CACNB2: variants seen among roughly 807,000 people sequenced by gnomAD.
CACNB2 encodes the protein calcium voltage-gated channel auxiliary subunit beta 2, also known as voltage-dependent L-type calcium channel subunit beta-2.
In CACNB2, 42 loss-of-function variants were observed where a neutral mutation model predicts 73.3. The ratio of observed to expected loss-of-function variants is 0.57; its 90% CI spans 0.45 to 0.74. The LOEUF is 0.74. Ranked by LOEUF, CACNB2 falls within the 30% of genes least tolerant of loss-of-function variation. CACNB2 has a pLI of 0.00. For synonymous variants in CACNB2, 348 were observed against 310.3 expected (o/e 1.12, Z -1.28); for missense variants, 940 against 853.0 (o/e 1.10, Z -1.27).
At chr10:18,421,937 T>C (rs2045347001) in intron 3 of CACNB2, among the ~76,000 whole-genome samples, 3 of 152,192 alleles carry the variant, frequency 2.0e-5, no homozygotes, top group Non-Finnish European at 4.4e-5. Flanking sequence ...TTAGCTGTAG[T>C]GTTTAGTCTA....
chr10:18,192,944 A>T (rs1410950297), intron 2 of CACNB2, among the ~76,000 whole-genome samples: 1 of 152,208 alleles, frequency 6.6e-6, no homozygotes, highest in Non-Finnish European at 1.5e-5. Context: ...TTGAGCTGCT[A>T]TGAACATTTA....
Position 18,494,912 on chromosome 10 carries a change from A to G in CACNB2, c.334-3443A>G, listed in dbSNP as rs117773193. On this transcript the variant is annotated intron_variant, in intron 3 of 13. Transcript: ENST00000324631. ...CCTGTCTCTACAAAGTTTTTTTAAA[A>G]AAAATAAAATGTAAAAACTTTAAAA... Among the ~76,000 whole-genome samples the G allele has an allele frequency of 2.8e-3, 427 of 152,236 alleles. 5 individuals are homozygous for G. The highest frequency in any genetic ancestry group is 0.018 in the Admixed American group (270 of 15,280).
At chr10:18,263,640 A>G (rs1301140292) in intron 2 of CACNB2, among the ~76,000 whole-genome samples, 3 of 152,086 alleles carry the variant, frequency 2.0e-5, no homozygotes, top group Non-Finnish European at 4.4e-5. Flanking sequence ...CTACTCAAAC[A>G]TTGTCTCTCA....
At chr10:18,189,665 G>A (rs866056977) in intron 2 of CACNB2, among the ~76,000 whole-genome samples, 2 of 152,094 alleles carry the variant, frequency 1.3e-5, no homozygotes. Context: ...TAAAAGTAGT[G>A]CAATGGTGAG....
intron 2 of CACNB2, among the ~76,000 whole-genome samples, chr10:18,352,066 C>T (rs1481069699): frequency 2.0e-5 from 3 of 152,310 alleles, no homozygotes; most frequent in East Asian, 3.9e-4. Flanking sequence ...ATTTCTTCTG[C>T]GTGTTCAATG....
At chr10:18,310,782 C>A (rs2039936174) in intron 2 of CACNB2, among the ~76,000 whole-genome samples, 1 of 151,482 alleles carries the variant, frequency 6.6e-6, no homozygotes, top group South Asian at 2.1e-4. Context: ...GGGGTTTCAC[C>A]ACATTGGCCA....
intron 2 of CACNB2, among the ~76,000 whole-genome samples, chr10:18,321,200 G>T (rs935989365): frequency 2.6e-5 from 4 of 152,174 alleles, no homozygotes; most frequent in African/African-American, 9.7e-5. Context: ...GTGGGAAGTT[G>T]ATATTGAGCC....
intron 3 of CACNB2, among the ~76,000 whole-genome samples, chr10:18,450,617 C>CT (rs1249156903): frequency 2.1e-5 from 3 of 144,670 alleles, no homozygotes; most frequent in Admixed American, 6.9e-5. Flanking sequence ...GCTCCAGCTG[C>CT]TTTTTTTTCT....
intron 2 of CACNB2, chr10:18,341,093 A>G: frequency 9.3e-7 from 1 of 1,074,218 alleles, no homozygotes; most frequent in South Asian, 1.3e-5. Context: ...AACTTTTTAG[A>G]CTTTCTTATC....
intron 6 of CACNB2, among the ~76,000 whole-genome samples, chr10:18,506,788 GTATT>G (rs142902380): frequency 4.7e-5 from 7 of 149,664 alleles, no homozygotes; most frequent in East Asian, 3.9e-4. Context: ...AGTGATTAAT[GTATT>G]TATTTATTTA....
chr10:18,266,750 C>T (rs1289389395), intron 2 of CACNB2, among the ~76,000 whole-genome samples: 5 of 152,024 alleles, frequency 3.3e-5, no homozygotes, highest in Non-Finnish European at 2.9e-5. Flanking sequence ...CTTAGCCGTG[C>T]GTGGTGGTGC....
chr10:18,280,687 C>A (rs2038504321), intron 2 of CACNB2, among the ~76,000 whole-genome samples: 1 of 152,198 alleles, frequency 6.6e-6, no homozygotes, highest in East Asian at 1.9e-4. Flanking sequence ...AGTACCTTTA[C>A]AAATTTCAAG....
chr10:18,415,476 AAAAAC>A (rs1163818324), intron 3 of CACNB2, among the ~76,000 whole-genome samples: 3 of 151,828 alleles, frequency 2.0e-5, no homozygotes, highest in Middle Eastern at 3.4e-3. Context: ...TTAAAAAAAA[AAAAAC>A]AAAGAAAAGA....
chr10:18,539,794 A>T lies in CACNB2; in HGVS notation c.*70A>T. 6.6e-7 allele frequency: 1 copy of T among 1,510,154 alleles called. No individual in the cohort carries two copies. The allele number at this position is 1,510,154 out of a possible 1,614,324, so 93.5% of individuals were successfully genotyped here. A position where few individuals can be genotyped will look rare whatever the true frequency, so the allele number is the denominator to read the frequency against. On this transcript the variant is annotated 3_prime_UTR_variant, in exon 14 of 14. Transcript: ENST00000324631. ...TATAACTAACAGCATCCCCAAAACA[A>T]AGTCTTTGGGGTCTACACTGCAATC...
chr10:18,413,267 C>T (rs1028227705), intron 3 of CACNB2, among the ~76,000 whole-genome samples: 2 of 152,196 alleles, frequency 1.3e-5, no homozygotes, highest in Non-Finnish European at 2.9e-5. Context: ...CCACTGTGCC[C>T]AGCCACACAT....
intron 2 of CACNB2, among the ~76,000 whole-genome samples, chr10:18,351,060 A>G (rs1474278276): frequency 1.3e-5 from 2 of 152,186 alleles, no homozygotes; most frequent in East Asian, 3.8e-4. Flanking sequence ...TTTTGGAAAA[A>G]CAATAGCATA....
chr10:18,278,091 T>A (rs946015480), intron 2 of CACNB2, among the ~76,000 whole-genome samples: 3 of 152,224 alleles, frequency 2.0e-5, no homozygotes, highest in African/African-American at 7.2e-5. Context: ...AATATTGTCC[T>A]TAATATTGTT....
At chr10:18,304,396 A>C (rs916588942) in intron 2 of CACNB2, among the ~76,000 whole-genome samples, 1 of 152,260 alleles carries the variant, frequency 6.6e-6, no homozygotes, top group African/African-American at 2.4e-5. Context: ...GGAGCTTAAA[A>C]AAAGTATTCA....
intron 3 of CACNB2, among the ~76,000 whole-genome samples, chr10:18,480,136 G>A (rs1260759620): frequency 6.6e-6 from 1 of 152,290 alleles, no homozygotes; most frequent in East Asian, 1.9e-4. Context: ...TTTCAAATGA[G>A]AGAAACAATC....
Sources: gnomAD v4.1 joint callset for allele counts (sites outside exome capture counted in the v4.1 genomes callset) on GRCh38, gnomAD v4.1.1 for gene constraint, MANE v1.5 for transcripts, NCBI Gene and HGNC (gene_info 2026-07-23, HGNC 2026-07-21) for gene names.